TENM2: variants seen among roughly 807,000 people sequenced by gnomAD.
TENM2 encodes teneurin transmembrane protein 2.
In TENM2, 52 loss-of-function variants were observed where a neutral mutation model predicts 245.2. The ratio of observed to expected loss-of-function variants is 0.21; its 90% CI spans 0.17 to 0.27. The LOEUF is 0.27. TENM2 is among the 10% of genes least tolerant of loss of function. The probability of loss-of-function intolerance (pLI) is 1.00; values close to 1 mark genes in which losing one functional copy is unlikely to be tolerated. For missense variants in TENM2, 3,046 were observed against 3,666.8 expected (o/e 0.83, Z 4.37); for synonymous variants, 1,363 against 1,438.9 (o/e 0.95, Z 1.19).
intron 2 of TENM2, among the ~76,000 whole-genome samples, chr5:167,392,282 A>T (rs2127365142): frequency 6.6e-6 from 1 of 152,258 alleles, no homozygotes; most frequent in Non-Finnish European, 1.5e-5. Flanking sequence ...TGTCAGTTTG[A>T]CTGGACCGTA....
At chr5:167,742,673 C>T (rs1761264775) in intron 2 of TENM2, among the ~76,000 whole-genome samples, 1 of 151,736 alleles carries the variant, frequency 6.6e-6, no homozygotes. Context: ...TCAAATTTGC[C>T]ATCTGGATCA....
At chr5:167,509,894 C>T (rs1377180538) in intron 2 of TENM2, among the ~76,000 whole-genome samples, 1 of 152,210 alleles carries the variant, frequency 6.6e-6, no homozygotes, top group East Asian at 1.9e-4. Flanking sequence ...GACTCCCAAG[C>T]CCATATGGTG....
chr5:167,173,873 T>A, the TENM2 span, among the ~76,000 whole-genome samples: 1 of 152,156 alleles, frequency 6.6e-6, no homozygotes, highest in African/African-American at 2.4e-5. Context: ...TCAATTTTGT[T>A]TTGAAAGGCT....
At chr5:168,065,138 G>A (rs1252047706) in intron 7 of TENM2, among the ~76,000 whole-genome samples, 2 of 152,106 alleles carry the variant, frequency 1.3e-5, no homozygotes, top group Non-Finnish European at 2.9e-5. Context: ...GTGGGGTGGG[G>A]GTAGAATATG....
At chr5:167,405,802 A>G (rs1762609315) in intron 2 of TENM2, among the ~76,000 whole-genome samples, 1 of 148,650 alleles carries the variant, frequency 6.7e-6, no homozygotes, top group Non-Finnish European at 1.5e-5. Context: ...ACACACACGC[A>G]CACAGAGATG....
At chr5:167,548,433 G>T (rs527273990) in intron 2 of TENM2, among the ~76,000 whole-genome samples, 2 of 151,950 alleles carry the variant, frequency 1.3e-5, no homozygotes, top group Non-Finnish European at 2.9e-5. Flanking sequence ...AAGCATTTTA[G>T]CATCTTTGAA....
chr5:167,018,599 A>G, the TENM2 span, among the ~76,000 whole-genome samples: 1 of 152,200 alleles, frequency 6.6e-6, no homozygotes, highest in South Asian at 2.1e-4. Flanking sequence ...ATGTATCCAC[A>G]TGCGAGAAAA....
At chr5:166,981,381 C>T in the TENM2 span, among the ~76,000 whole-genome samples, 1 of 152,020 alleles carries the variant, frequency 6.6e-6, no homozygotes, top group African/African-American at 2.4e-5. Flanking sequence ...TCATTAAGAC[C>T]ACAGTTGTCT....
intron 1 of TENM2, among the ~76,000 whole-genome samples, chr5:167,363,454 G>GGGCAC (rs1275048988): frequency 2.0e-5 from 3 of 152,104 alleles, no homozygotes; most frequent in Non-Finnish European, 4.4e-5. Flanking sequence ...ATGTAAGGAT[G>GGGCAC]GGCACGGTGG....
At chr5:167,061,238 T>C in the TENM2 span, among the ~76,000 whole-genome samples, 3 of 152,184 alleles carry the variant, frequency 2.0e-5, no homozygotes, top group Non-Finnish European at 4.4e-5. Flanking sequence ...CTAATGCTCC[T>C]ATTATACGCA....
At chr5:167,182,656 A>C in the TENM2 span, among the ~76,000 whole-genome samples, 2 of 152,082 alleles carry the variant, frequency 1.3e-5, no homozygotes, top group African/African-American at 4.8e-5. Context: ...GTTGTCAGAG[A>C]AGTAACTTTT....
chr5:168,077,291 C>T (rs1581233123), intron 7 of TENM2, among the ~76,000 whole-genome samples: 1 of 152,260 alleles, frequency 6.6e-6, no homozygotes, highest in South Asian at 2.1e-4. Context: ...ATACCCCTCA[C>T]TCTAGATATT....
At chr5:167,848,693 T>G (rs1770286051) in intron 2 of TENM2, among the ~76,000 whole-genome samples, 1 of 152,224 alleles carries the variant, frequency 6.6e-6, no homozygotes, top group Non-Finnish European at 1.5e-5. Context: ...GTTGAGACAT[T>G]GGTTCACTCT....
At chr5:167,875,401 C>T (rs1196462097) in intron 2 of TENM2, among the ~76,000 whole-genome samples, 2 of 152,030 alleles carry the variant, frequency 1.3e-5, no homozygotes, top group African/African-American at 2.4e-5. Context: ...CGTGGAAAGT[C>T]GTAAGTGTTA....
At position 167,989,772 on chromosome 5, in the gene TENM2, A is replaced by C. The variant is rs371720396; in HGVS notation, c.948-3172A>C. On this transcript the variant is annotated intron_variant, in intron 4 of 28. Coordinates refer to ENST00000518659, the Ensembl canonical transcript of TENM2. ...GGGGAAAGGCAAGGGAAAAGGAGGA[A>C]GTTCCTTGGGTAACTGGGAGTAAAG... Among the ~76,000 whole-genome samples, 199 of 152,260 alleles carry C rather than the reference A, an allele frequency of 1.3e-3. 6 individuals carry two copies. In the South Asian group the frequency reaches 0.04, roughly 31 times the overall value.
intron 6 of TENM2, among the ~76,000 whole-genome samples, chr5:168,059,875 G>C (rs1326294559): frequency 6.6e-6 from 1 of 152,112 alleles, no homozygotes; most frequent in African/African-American, 2.4e-5. Flanking sequence ...GCTTTACACA[G>C]CCTAACCTCA....
intron 2 of TENM2, among the ~76,000 whole-genome samples, chr5:167,532,493 G>C (rs546597045): frequency 4.6e-5 from 7 of 152,104 alleles, no homozygotes; most frequent in African/African-American, 1.7e-4. Context: ...ATGGCAGCAG[G>C]CAAAGAGAGA....
At chr5:167,242,039 G>GTTTTTTTTTTTTTTT in the TENM2 span, among the ~76,000 whole-genome samples, 1 of 140,190 alleles carries the variant, frequency 7.1e-6, no homozygotes, top group Non-Finnish European at 1.6e-5. Context: ...TTCTTTTTTT[G>GTTTTTTTTTTTTTTT]TTTTTTGTTT....
At chr5:167,457,297 ATTT>A (rs1483312589) in intron 2 of TENM2, among the ~76,000 whole-genome samples, 1 of 38,876 alleles carries the variant, frequency 2.6e-5, no homozygotes, top group Non-Finnish European at 5.7e-5. Flanking sequence ...ATTTTATTTT[ATTT>A]TATTTTATTT....
Sources: gnomAD v4.1 joint callset for allele counts (sites outside exome capture counted in the v4.1 genomes callset) on GRCh38, gnomAD v4.1.1 for gene constraint, MANE v1.5 for transcripts, NCBI Gene and HGNC (gene_info 2026-07-23, HGNC 2026-07-21) for gene names.